Variants in ZCWPW1 observed in about 807,000 individuals in gnomAD.
ZCWPW1 encodes zinc finger CW-type PWWP domain protein 1.
ZCWPW1 carries 56 observed loss-of-function variants against 81.3 expected under a neutral mutation model. The observed-to-expected ratio is 0.69, with a 90% confidence interval of 0.56 to 0.86. The LOEUF is 0.86. Among genes scored for constraint, ZCWPW1 ranks in the 40% least tolerant of loss-of-function variants. The probability of loss-of-function intolerance (pLI) is 0.00; values close to 1 mark genes in which losing one functional copy is unlikely to be tolerated. For synonymous variants in ZCWPW1, 250 were observed against 273.7 expected (o/e 0.91, Z 0.86); for missense variants, 650 against 769.8 (o/e 0.84, Z 1.84).
Position 100,401,186 on chromosome 7 carries a change from C to T in ZCWPW1, c.1778G>A (p.Arg593Gln), listed in dbSNP as rs761591722. 18 of 1,614,108 alleles carry T rather than the reference C, an allele frequency of 1.1e-5. No homozygotes were observed. Among genetic ancestry groups the T allele is most frequent in the South Asian group, 3.3e-5 (3 of 91,084 alleles). Residue 593 changes from arginine (R) to glutamine (Q), a missense_variant, in exon 18 of 18, where the codon CGG becomes CAG. Arg to Gln is a conservative substitution (Grantham distance 43, BLOSUM62 1). Transcript: ENST00000684423. ...PSSAKEEPRH[R>Q]EPLTQEAGSV... is the part of the protein sequence containing the mutation. ...TCCAGCCTCCTGGGTCAGGGGTTCC[C>T]GGTGTCTGGGCTCTTCTTTCGCAGA...
intron 8 of ZCWPW1, among the ~76,000 whole-genome samples, chr7:100,413,399 T>A (rs1794612664): frequency 6.6e-6 from 1 of 152,228 alleles, no homozygotes; most frequent in Non-Finnish European, 1.5e-5. Flanking sequence ...TAAAACTCTT[T>A]CTTCACTTGG....
chr7:100,401,081 TGCCCCA>T lies in ZCWPW1; in HGVS notation c.1877_1882del (p.Leu626_Gly627del). ...GTTGCTGTGCTGCAGCTCCCCGCTCTGCCCCAGCTCTCTCCCAACATCTTCCATGAG... is the reference window on the plus strand; with the variant it reads ...GTTGCTGTGCTGCAGCTCCCCGCTCTGCTCTCTCCCAACATCTTCCATGAG... On this transcript the variant is annotated inframe_deletion, in exon 18 of 18. Coordinates refer to ENST00000684423, the MANE Select transcript of ZCWPW1 (RefSeq NM_001386010.1). The T allele has an allele frequency of 6.2e-7, 1 of 1,614,196 alleles. No individual in the cohort carries two copies. The highest frequency in any genetic ancestry group is 8.5e-7 in the Non-Finnish European group (1 of 1,180,018).
chr7:100,419,966 A>G, intron 3 of ZCWPW1, 83 bp from the exon 4 acceptor site: 2 of 1,124,378 alleles, frequency 1.8e-6, no homozygotes, highest in South Asian at 1.6e-5. Flanking sequence ...ACTAGCCATA[A>G]CAGAATGATA....
At position 100,419,801 on chromosome 7, in the gene ZCWPW1, A is replaced by C. The variant is rs781330504; in HGVS notation, c.111T>G (p.Pro37=). The C allele has an allele frequency of 1.3e-5, 21 of 1,613,344 alleles. No individual in the cohort carries two copies. Among genetic ancestry groups the C allele is most frequent in the Non-Finnish European group, 1.8e-5 (21 of 1,179,824 alleles). The change falls in exon 4 of 18, where the codon CCT becomes CCG. Residue 37 remains proline, a synonymous_variant. Coordinates refer to ENST00000684423, the MANE Select transcript of ZCWPW1 (RefSeq NM_001386010.1). ...AACTGATCCCCGGGGTCTCCTCCTT[A>C]GGGGAGTTAGGGCTACAAGGTAACA... ...YSLLPCSPNS[P]KEETPGISSP...
At chr7:100,427,953 G>A (rs564121596) in intron 1 of ZCWPW1, among the ~76,000 whole-genome samples, 107 of 149,618 alleles carry the variant, frequency 7.2e-4, no homozygotes, top group African/African-American at 2.5e-3. Context: ...CCGAGGCCCC[G>A]TGATCCTTAT....
chr7:100,408,959 C>A (rs1793624569), intron 9 of ZCWPW1, among the ~76,000 whole-genome samples: 1 of 152,038 alleles, frequency 6.6e-6, no homozygotes, highest in African/African-American at 2.4e-5. Context: ...TGACTGTGCT[C>A]CTGTCTATGG....
chr7:100,416,147 T>C lies in ZCWPW1; in HGVS notation c.632-50A>G, dbSNP rs756748501. The C allele has an allele frequency of 5.0e-5, 80 of 1,609,550 alleles. No individual in the cohort carries two copies. In the African/African-American group the frequency reaches 8.8e-4, roughly 18 times the overall value. On this transcript the variant is annotated intron_variant, in intron 7 of 17. Coordinates refer to ENST00000684423, the MANE Select transcript of ZCWPW1 (RefSeq NM_001386010.1). Reference sequence around the variant, plus strand: ...GGTGGGGAGATGAAGAAGACAATCTTTGTAGATAGTAAAGGTCAGTGAAAG... The same window carrying C: ...GGTGGGGAGATGAAGAAGACAATCTCTGTAGATAGTAAAGGTCAGTGAAAG...
intron 16 of ZCWPW1, 92 bp downstream of exon 16, chr7:100,402,424 G>T: frequency 1.5e-6 from 2 of 1,356,420 alleles, no homozygotes; most frequent in Non-Finnish European, 2.1e-6. Context: ...GCACTGAGAT[G>T]GGCAGTGAGG....
chr7:100,404,352 A>G, intron 13 of ZCWPW1, 108 bp from the exon 14 acceptor site: 2 of 1,005,188 alleles, frequency 2.0e-6, no homozygotes, highest in Non-Finnish European at 3.0e-6. Context: ...CATTTTCCAT[A>G]CCAAAATTAT....
intron 2 of ZCWPW1, among the ~76,000 whole-genome samples, chr7:100,423,793 G>A (rs963542041): frequency 1.2e-4 from 19 of 152,162 alleles, no homozygotes; most frequent in African/African-American, 4.6e-4. Context: ...AATTGGCCAG[G>A]CATGGTGGCT....
At chr7:100,409,010 T>C (rs1793635728) in intron 9 of ZCWPW1, among the ~76,000 whole-genome samples, 1 of 152,140 alleles carries the variant, frequency 6.6e-6, no homozygotes, top group South Asian at 2.1e-4. Context: ...TGTTTTCTCA[T>C]CTGTAAAATA....
Position 100,401,027 on chromosome 7 carries a change from A to G in ZCWPW1, c.1937T>C (p.Leu646Pro). ...GAGGAGCACCAGCTACTTCCCAAACAGCGCCACGGGGAAGTCCTCGCCATC... is the reference window on the plus strand; with the variant it reads ...GAGGAGCACCAGCTACTTCCCAAACGGCGCCACGGGGAAGTCCTCGCCATC... ...NSDGEDFPVA[L>P]FGK The change falls in exon 18 of 18, where the codon CTG becomes CCG. Residue 646 changes from leucine to proline, a missense_variant. Physicochemically the swap from Leu to Pro is moderately conservative, Grantham distance 98 (BLOSUM62 -3). Transcript: ENST00000684423. The G allele has an allele frequency of 6.2e-7, 1 of 1,607,164 alleles. No homozygotes were observed. The highest frequency in any genetic ancestry group is 8.5e-7 in the Non-Finnish European group (1 of 1,175,186).
Position 100,400,975 on chromosome 7 carries a change from CCA to C in ZCWPW1, c.*37_*38del. On this transcript the variant is annotated 3_prime_UTR_variant, in exon 18 of 18. Transcript: ENST00000684423. ...CTTAGCAACTTCTCCCTCCTGCGCCCCAGAGAAGGGAGAAAAAGAGGGAGCAG... is the reference window on the plus strand; with the variant it reads ...CTTAGCAACTTCTCCCTCCTGCGCCCGAGAAGGGAGAAAAAGAGGGAGCAG... The C allele has an allele frequency of 1.3e-6, 2 of 1,553,170 alleles. No individual in the cohort carries two copies. Among genetic ancestry groups the C allele is most frequent in the Non-Finnish European group, 1.7e-6 (2 of 1,150,206 alleles).
intron 7 of ZCWPW1, 104 bp from the exon 8 acceptor site, chr7:100,416,201 T>C: frequency 6.3e-7 from 1 of 1,590,880 alleles, no homozygotes; most frequent in Non-Finnish European, 8.5e-7. Flanking sequence ...CCTAATAGTC[T>C]CAAGTCTTGG....
At position 100,401,095 on chromosome 7, in the gene ZCWPW1, C is replaced by T; in HGVS notation, c.1869G>A (p.Gly623=). 1 of 1,614,220 alleles carries T rather than the reference C, an allele frequency of 6.2e-7. No individual in the cohort carries two copies. The highest frequency in any genetic ancestry group is 8.5e-7 in the Non-Finnish European group (1 of 1,180,030). ...GCTCCCCGCTCTGCCCCAGCTCTCT[C>T]CCAACATCTTCCATGAGTTGCTCCA... The part of the protein sequence containing the change: ...LDLEQLMEDV[G]RELGQSGELQ... The change falls in exon 18 of 18, where the codon GGG becomes GGA. Residue 623 remains glycine (G), a synonymous_variant. Transcript: ENST00000684423.
At chr7:100,428,328 A>G (rs1005755976) in intron 1 of ZCWPW1, among the ~76,000 whole-genome samples, 3 of 152,164 alleles carry the variant, frequency 2.0e-5, no homozygotes, top group Non-Finnish European at 1.5e-5. Context: ...GCGCATGCGC[A>G]ACTGGAAACA....
rs781139092 is a variant in ZCWPW1 at position 100,401,310 on chromosome 7, G to C, written c.1654C>G (p.Gln552Glu). 7.0e-6 allele frequency: 11 copies of C among 1,562,366 alleles called. No individual in the cohort carries two copies. Among genetic ancestry groups the C allele is most frequent in the African/African-American group, 2.8e-5 (2 of 72,482 alleles). Residue 552 changes from glutamine (Q) to glutamate (E), a missense_variant, in exon 18 of 18, where the codon CAG becomes GAG. Coordinates refer to ENST00000684423, the MANE Select transcript of ZCWPW1 (RefSeq NM_001386010.1). ...PGPKKKFKAP[Q>E]SKALAASFSE... The stretch of plus-strand genomic sequence containing the variant: ...AAGCTGGCTGCCAAGGCCTTGCTCT[G>C]GGGAGCTTTAAATTTTTTCTTAGGG...
At position 100,400,982 on chromosome 7, in the gene ZCWPW1, AG is replaced by A. The variant is rs1400828176; in HGVS notation, c.*31del. 1 of 1,563,830 alleles carries A rather than the reference AG, an allele frequency of 6.4e-7. No individual in the cohort carries two copies. The highest frequency in any genetic ancestry group is 8.7e-7 in the Non-Finnish European group (1 of 1,155,070). On this transcript the variant is annotated 3_prime_UTR_variant, in exon 18 of 18. Transcript: ENST00000684423. ...ACTTCTCCCTCCTGCGCCCCAGAGA[AG>A]GGAGAAAAAGAGGGAGCAGAGGAGC...
At chr7:100,409,689 T>C in intron 8 of ZCWPW1, 145 bp from the exon 9 acceptor site, 1 of 618,568 alleles carries the variant, frequency 1.6e-6, no homozygotes, top group Non-Finnish European at 2.8e-6. Flanking sequence ...CCCTGACTTA[T>C]AAGAGGGAAA....
Sources: gnomAD v4.1 joint callset for allele counts (sites outside exome capture counted in the v4.1 genomes callset) on GRCh38, gnomAD v4.1.1 for gene constraint, MANE v1.5 for transcripts, NCBI Gene and HGNC (gene_info 2026-07-23, HGNC 2026-07-21) for gene names.